PALM: variants seen among roughly 807,000 people sequenced by gnomAD.
The protein encoded by PALM is paralemmin-1.
In PALM, 18 loss-of-function variants were observed where a neutral mutation model predicts 30.7. That is an observed-to-expected ratio of 0.59 (90% CI 0.41 to 0.87). The LOEUF is 0.87. PALM is among the 40% of genes least tolerant of loss of function. The pLI is 0.00. For synonymous variants in PALM, 286 were observed against 242.8 expected, an observed-to-expected ratio of 1.18 and a Z score of -1.66; for missense variants, 529 against 555.4, an observed-to-expected ratio of 0.95 and a Z score of 0.48.
At chr19:737,858 G>C (rs1171475072) in intron 7 of PALM, among the ~76,000 whole-genome samples, 2 of 152,158 alleles carry the variant, frequency 1.3e-5, no homozygotes, top group Non-Finnish European at 2.9e-5. Context: ...GGGGACGTGG[G>C]CTTTTCCCGG....
At chr19:725,417 C>T (rs756581151) in intron 1 of PALM, among the ~76,000 whole-genome samples, 2 of 152,010 alleles carry the variant, frequency 1.3e-5, no homozygotes, top group Non-Finnish European at 2.9e-5. Context: ...AAAAATTAGC[C>T]GGGCGTGGTG....
chr19:710,214 C>T (rs1374023612), intron 1 of PALM, among the ~76,000 whole-genome samples: 1 of 152,218 alleles, frequency 6.6e-6, no homozygotes, highest in Non-Finnish European at 1.5e-5. Context: ...CAACTTTCCC[C>T]GGGGATTCAC....
chr19:713,768 G>A (rs1478486642), intron 1 of PALM, among the ~76,000 whole-genome samples: 1 of 152,062 alleles, frequency 6.6e-6, no homozygotes, highest in Admixed American at 6.6e-5. Context: ...TTTTAGTAGA[G>A]ACGGGGTTTC....
In PALM at chr19:742,839, G is replaced by A. The variant is rs1160734529; in HGVS notation, c.634+2356G>A. 6.6e-6 allele frequency among the ~76,000 whole-genome samples: 1 copy of A among 152,166 alleles called. No homozygotes were observed. Among genetic ancestry groups the A allele is most frequent in the East Asian group, 1.9e-4 (1 of 5,190 alleles). On this transcript the variant is annotated intron_variant, in intron 8 of 8. Coordinates refer to ENST00000338448, the MANE Select transcript of PALM (RefSeq NM_002579.3). The surrounding 1 kb of genome is among the most constrained non-coding windows in gnomAD (Gnocchi z 5.5). ...GTTGGGCTGTTTCTACCCTTTGGCT[G>A]CAGTGAGTAGCATGCTGGGGAATTT...
chr19:721,705 C>T (rs1306307668), intron 1 of PALM, among the ~76,000 whole-genome samples: 1 of 151,760 alleles, frequency 6.6e-6, no homozygotes, highest in East Asian at 1.9e-4. Flanking sequence ...TCAAGTGATT[C>T]TCCTGCCTCA....
chr19:710,182 C>A (rs565854089), intron 1 of PALM, among the ~76,000 whole-genome samples: 6 of 152,336 alleles, frequency 3.9e-5, no homozygotes, highest in African/African-American at 1.4e-4. Context: ...GCCCTTCCCA[C>A]TGGGCGTGTT....
intron 7 of PALM, among the ~76,000 whole-genome samples, chr19:739,426 T>C (rs1026206998): frequency 2.6e-5 from 4 of 152,112 alleles, no homozygotes; most frequent in African/African-American, 9.7e-5. Flanking sequence ...ACGTTTATAA[T>C]CCCAGGGCTT....
At chr19:741,604 G>T (rs1229356252) in intron 8 of PALM, among the ~76,000 whole-genome samples, 1 of 151,920 alleles carries the variant, frequency 6.6e-6, no homozygotes, top group Non-Finnish European at 1.5e-5. Flanking sequence ...GAGTTGAGGA[G>T]CTGGGCTCAC....
intron 1 of PALM, among the ~76,000 whole-genome samples, chr19:714,650 G>A (rs530893510): frequency 2.0e-5 from 3 of 151,800 alleles, no homozygotes; most frequent in Admixed American, 6.6e-5. Context: ...GAGCCACCGC[G>A]CCCAGCCTTC....
intron 1 of PALM, among the ~76,000 whole-genome samples, chr19:714,986 G>A (rs1292709686): frequency 6.6e-6 from 1 of 152,148 alleles, no homozygotes; most frequent in African/African-American, 2.4e-5. Flanking sequence ...CATATGGGCC[G>A]GGTGCAGTGG....
chr19:740,158 C>G (rs1215715763), intron 7 of PALM, among the ~76,000 whole-genome samples, 194 bp from the exon 8 acceptor site: 3 of 152,218 alleles, frequency 2.0e-5, no homozygotes, highest in Admixed American at 2.0e-4. Context: ...CGTCTCCAGG[C>G]ACTGGGGAGC....
chr19:740,310 G>T, intron 7 of PALM, 42 bp from the exon 8 acceptor site: 2 of 1,518,884 alleles, frequency 1.3e-6, no homozygotes, highest in East Asian at 5.0e-5. Context: ...GGGGGTGCGG[G>T]GGCGGGCAGG....
chr19:722,531 G>A (rs2032525764), intron 1 of PALM: 1 of 152,346 alleles, frequency 6.6e-6, no homozygotes, highest in South Asian at 2.1e-4. Flanking sequence ...ACCTGGCCTA[G>A]GGTCTGATTC....
intron 1 of PALM, chr19:719,751 C>T (rs1285958183): frequency 3.7e-6 from 2 of 543,022 alleles, no homozygotes; most frequent in African/African-American, 4.1e-5. Context: ...GAATGAGACT[C>T]CCCCGCGCCT....
intron 7 of PALM, 90 bp from the exon 8 acceptor site, chr19:740,262 C>T (rs373232703): frequency 2.2e-6 from 3 of 1,343,794 alleles, no homozygotes; most frequent in African/African-American, 2.9e-5. Flanking sequence ...CTCTGCGCTG[C>T]TGGCTCCCCC....
chr19:737,488 C>G (rs1463023918), intron 7 of PALM, among the ~76,000 whole-genome samples: 1 of 152,216 alleles, frequency 6.6e-6, no homozygotes, highest in Non-Finnish European at 1.5e-5. Context: ...GGGCCACAAC[C>G]TCTACTACGG....
chr19:739,414 T>G (rs993422785), intron 7 of PALM, among the ~76,000 whole-genome samples: 1 of 152,132 alleles, frequency 6.6e-6, no homozygotes, highest in African/African-American at 2.4e-5. Context: ...GCTCGAGGGC[T>G]CACGTTTATA....
intron 1 of PALM, among the ~76,000 whole-genome samples, chr19:716,930 G>A (rs900021419): frequency 2.0e-5 from 3 of 151,860 alleles, no homozygotes; most frequent in Non-Finnish European, 2.9e-5. Context: ...ACACTGACAG[G>A]GTGTACTTTT....
intron 1 of PALM, among the ~76,000 whole-genome samples, chr19:714,886 G>A (rs1163492544): frequency 1.3e-5 from 2 of 151,730 alleles, no homozygotes; most frequent in African/African-American, 4.8e-5. Context: ...AAACTCCTGG[G>A]CTCAAGCATC....
Sources: allele counts gnomAD v4.1 joint callset (sites outside exome capture counted in the v4.1 genomes callset), GRCh38; gene constraint gnomAD v4.1.1; non-coding constraint Gnocchi (gnomAD v3.1); transcripts MANE v1.5; gene names NCBI Gene and HGNC (gene_info 2026-07-23, HGNC 2026-07-21).